The following MYO18A variants were observed in gnomAD, a reference collection of about 807,000 sequenced individuals.
MYO18A encodes unconventional myosin-XVIIIa.
In MYO18A, 78 loss-of-function variants were observed where a neutral mutation model predicts 235.8. That is an observed-to-expected ratio of 0.33 (90% CI 0.28 to 0.40). MYO18A has a LOEUF of 0.40. Among genes scored for constraint, MYO18A ranks in the 10% least tolerant of loss-of-function variants. The pLI is 1.00. For synonymous variants in MYO18A, 977 were observed against 1,077.8 expected (o/e 0.91, Z 1.83); for missense variants, 2,215 against 2,699.3 (o/e 0.82, Z 3.98).
At chr17:29,082,062 A>G (rs995967936) in intron 41 of MYO18A, among the ~76,000 whole-genome samples, 1 of 152,226 alleles carries the variant, frequency 6.6e-6, no homozygotes, top group South Asian at 2.1e-4. Context: ...GAATAAGTGG[A>G]GGTGACATTT....
chr17:29,102,699 G>C (rs2066683911), intron 21 of MYO18A, among the ~76,000 whole-genome samples: 1 of 152,226 alleles, frequency 6.6e-6, no homozygotes, highest in Non-Finnish European at 1.5e-5. Context: ...AAGACACAGA[G>C]ATGGGAGCGA....
At chr17:29,098,327 C>T in intron 24 of MYO18A, 29 bp downstream of exon 24, 1 of 1,613,262 alleles carries the variant, frequency 6.2e-7, no homozygotes, top group East Asian at 2.2e-5. Context: ...CAGCCATGCC[C>T]AGTCGGTGTG....
chr17:29,172,810 T>C (rs961659586), intron 1 of MYO18A, among the ~76,000 whole-genome samples: 1 of 152,194 alleles, frequency 6.6e-6, no homozygotes, highest in Non-Finnish European at 1.5e-5. Flanking sequence ...TGGATCACAC[T>C]GGCTTGAGTC....
At chr17:29,086,890 C>G (rs4795495) in intron 38 of MYO18A, 46 bp downstream of exon 38, 893,460 of 1,565,446 alleles carry the variant, frequency 0.57, 261,500 homozygotes, top group East Asian at 0.89. Flanking sequence ...TCAGCAGCTA[C>G]TCAAGGGGCT....
chr17:29,166,941 G>C lies in MYO18A; in HGVS notation c.-1C>G. The C allele has an allele frequency of 6.5e-7, 1 of 1,532,926 alleles. No individual in the cohort carries two copies. Among genetic ancestry groups the C allele is most frequent in the Non-Finnish European group, 8.8e-7 (1 of 1,135,520 alleles). The allele number at this position is 1,532,926 out of a possible 1,614,324, so 95.0% of individuals were successfully genotyped here. ...TGTCTTTCTTCATTAGGTTAAACATGGTGGGGGTGCTGTTTGTAGGGGTAG... is the reference window on the plus strand; with the variant it reads ...TGTCTTTCTTCATTAGGTTAAACATCGTGGGGGTGCTGTTTGTAGGGGTAG... On this transcript the variant is annotated 5_prime_UTR_variant, in exon 2 of 42. Coordinates refer to ENST00000527372, the MANE Select transcript of MYO18A (RefSeq NM_078471.4).
chr17:29,114,167 G>C, intron 14 of MYO18A, 70 bp from the exon 15 acceptor site: 1 of 1,220,126 alleles, frequency 8.2e-7, no homozygotes, highest in East Asian at 2.6e-5. Context: ...TGAGTAGGCT[G>C]GGAAGGGGCT....
chr17:29,148,819 C>T (rs2067904275), intron 2 of MYO18A, among the ~76,000 whole-genome samples: 3 of 152,172 alleles, frequency 2.0e-5, no homozygotes, highest in South Asian at 4.1e-4. Context: ...GAGTGACCAA[C>T]GGCGCATGCC....
intron 2 of MYO18A, chr17:29,124,706 A>G: frequency 7.8e-7 from 1 of 1,280,592 alleles, no homozygotes; most frequent in Non-Finnish European, 1.0e-6. Flanking sequence ...CAGCAAGCAA[A>G]GGAGAGAGAG....
Position 29,171,264 on chromosome 17 carries a change from C to T in MYO18A, c.-81-4243G>A, listed in dbSNP as rs553119409. On this transcript the variant is annotated intron_variant, in intron 1 of 41. Transcript: ENST00000527372. ...AGAGATCGAGACCATCCTGAAACCCCGTCTCTAATAAAAATAAAAAAAATT... is the reference window on the plus strand; with the variant it reads ...AGAGATCGAGACCATCCTGAAACCCTGTCTCTAATAAAAATAAAAAAAATT... Among the ~76,000 whole-genome samples the T allele has an allele frequency of 1.2e-3, 177 of 151,980 alleles. 1 individual carries two copies. Among genetic ancestry groups the T allele is most frequent in the Non-Finnish European group, 2.0e-3 (137 of 67,970 alleles).
In MYO18A at chr17:29,098,347, G is replaced by C; in HGVS notation, c.3870+9C>G. 1 of 1,613,652 alleles carries C rather than the reference G, an allele frequency of 6.2e-7. No homozygotes were observed. The highest frequency in any genetic ancestry group is 8.5e-7 in the Non-Finnish European group (1 of 1,179,788). ...ATGCCCAGTCGGTGTGGTGCCAGGA[G>C]TCACTCACCCGGCTCTCCAGCCGGT... On this transcript the variant is annotated intron_variant, in intron 24 of 41. Coordinates refer to ENST00000527372, the MANE Select transcript of MYO18A (RefSeq NM_078471.4).
chr17:29,174,028 C>T (rs2068467106), intron 1 of MYO18A, among the ~76,000 whole-genome samples: 1 of 152,190 alleles, frequency 6.6e-6, no homozygotes, highest in Non-Finnish European at 1.5e-5. Context: ...CCTGCCTCAG[C>T]CTCCTGAGTA....
At position 29,111,788 on chromosome 17, in the gene MYO18A, C is replaced by T; in HGVS notation, c.2674G>A (p.Ala892Thr). Residue 892 changes from alanine (A) to threonine (T), a missense_variant, in exon 16 of 42, where the codon GCC becomes ACC. Ala to Thr is a moderately conservative substitution (Grantham distance 58). Transcript: ENST00000527372. The surrounding 1 kb of genome is among the most constrained non-coding windows in gnomAD (Gnocchi z 5.1). ...CGCTCCAGGAGGGTGTCCTCACTGG[C>T]CCCTGGCACCAGAGCCTCCTCTTCC... ...LLEEEALVPG[A>T]SEDTLLERLF... The T allele has an allele frequency of 6.2e-7, 1 of 1,613,812 alleles. No individual in the cohort carries two copies. Among genetic ancestry groups the T allele is most frequent in the Non-Finnish European group, 8.5e-7 (1 of 1,179,778 alleles).
In MYO18A at chr17:29,118,537, C is replaced by G. The variant is rs1423819426; in HGVS notation, c.1830-97G>C. 4.5e-6 allele frequency: 5 copies of G among 1,111,648 alleles called. No individual in the cohort carries two copies. The highest frequency in any genetic ancestry group is 6.6e-6 in the Non-Finnish European group (5 of 761,940). The allele number at this position is 1,111,648 out of a possible 1,614,324, so 68.9% of individuals were successfully genotyped here. A position where few individuals can be genotyped will look rare whatever the true frequency, so the allele number is the denominator to read the frequency against. On this transcript the variant is annotated intron_variant, in intron 8 of 41. Coordinates refer to ENST00000527372, the MANE Select transcript of MYO18A (RefSeq NM_078471.4). The surrounding 1 kb of genome is among the most constrained non-coding windows in gnomAD (Gnocchi z 4.2). ...ACAGACAGACTCAGCTTCCAGACTC[C>G]AAGTTTTGTCTGCCCATCATCCCAT... is the stretch of plus-strand genomic sequence containing the variant.
At position 29,121,668 on chromosome 17, in the gene MYO18A, T is replaced by C. The variant is rs201947475; in HGVS notation, c.1250A>G (p.Asn417Ser). Reference sequence around the variant, plus strand: ...CAAGGTGTGCAGGACGCTGGACTCATTGAGGTACACCAGTGAGGCCAGATC... The same window carrying C: ...CAAGGTGTGCAGGACGCTGGACTCACTGAGGTACACCAGTGAGGCCAGATC... ...LEDLASLVYLNESSVLHTLRQ... is the reference protein window; with the variant it reads ...LEDLASLVYLSESSVLHTLRQ... Residue 417 changes from asparagine to serine, a missense_variant, in exon 5 of 42, where the codon AAT (asparagine) becomes AGT (serine). Coordinates refer to ENST00000527372, the MANE Select transcript of MYO18A (RefSeq NM_078471.4). This position sits in a 1 kb window ranked among gnomAD's most constrained non-coding sequence, Gnocchi z 4.2. 169 of 1,565,640 alleles carry C rather than the reference T, an allele frequency of 1.1e-4. No individual in the cohort carries two copies. In the African/African-American group the frequency reaches 1.3e-3, roughly 12 times the overall value.
intron 28 of MYO18A, 21 bp downstream of exon 28, chr17:29,096,740 C>G (rs1397240342): frequency 6.3e-7 from 1 of 1,577,130 alleles, no homozygotes; most frequent in Non-Finnish European, 8.6e-7. Flanking sequence ...TCTCTGGGCC[C>G]AGGGCAGGGG....
At chr17:29,127,346 T>C (rs1251177837) in intron 2 of MYO18A, among the ~76,000 whole-genome samples, 1 of 152,228 alleles carries the variant, frequency 6.6e-6, no homozygotes, top group African/African-American at 2.4e-5. Context: ...AGATTACTAA[T>C]TTCCAAAATA....
chr17:29,127,752 G>A (rs534004073), intron 2 of MYO18A: 3 of 610,988 alleles, frequency 4.9e-6, no homozygotes, highest in Admixed American at 6.3e-5. Flanking sequence ...TCGGTCATGC[G>A]GGGTTCGCTG....
intron 41 of MYO18A, chr17:29,080,244 G>GCTA: frequency 1.0e-6 from 1 of 986,000 alleles, no homozygotes; most frequent in South Asian, 4.7e-5. Flanking sequence ...GAACAGGCTT[G>GCTA]TAGCTCAAGA....
chr17:29,127,083 C>G (rs889422713), intron 2 of MYO18A, among the ~76,000 whole-genome samples: 1 of 152,206 alleles, frequency 6.6e-6, no homozygotes, highest in Non-Finnish European at 1.5e-5. Context: ...ATGCCAGGGA[C>G]CGGCTTGGAG....
Sources: gnomAD v4.1 joint callset for allele counts (sites outside exome capture counted in the v4.1 genomes callset) on GRCh38, gnomAD v4.1.1 for gene constraint, Gnocchi (gnomAD v3.1) non-coding constraint, MANE v1.5 for transcripts, NCBI Gene and HGNC (gene_info 2026-07-23, HGNC 2026-07-21) for gene names.